The following CLEC16A variants were observed in gnomAD, a reference collection of about 807,000 sequenced individuals.
CLEC16A encodes the protein C-type lectin domain containing 16A.
CLEC16A carries 51 observed loss-of-function variants against 109.5 expected under a neutral mutation model. The ratio of observed to expected loss-of-function variants is 0.47; its 90% confidence interval spans 0.37 to 0.59. The LOEUF is 0.59. Among genes scored for constraint, CLEC16A ranks in the 20% least tolerant of loss-of-function variants. The pLI is 0.00. For missense variants in CLEC16A, 1,339 were observed against 1,394.0 expected (o/e 0.96, Z 0.63); for synonymous variants, 673 against 564.2 (o/e 1.19, Z -2.73).
intron 18 of CLEC16A, among the ~76,000 whole-genome samples, chr16:11,059,480 C>T (rs570481657): frequency 6.6e-5 from 10 of 152,324 alleles, no homozygotes; most frequent in East Asian, 3.9e-4. Context: ...CTGGTTAGGG[C>T]GCAAGGCAGC....
intron 22 of CLEC16A, among the ~76,000 whole-genome samples, chr16:11,163,010 C>T (rs767513220): frequency 2.0e-5 from 3 of 152,142 alleles, no homozygotes; most frequent in Admixed American, 1.3e-4. Flanking sequence ...TCAGGGAGGC[C>T]GGTTTGCCTT....
intron 18 of CLEC16A, among the ~76,000 whole-genome samples, chr16:11,052,116 G>A (rs1191912679): frequency 6.6e-6 from 1 of 152,210 alleles, no homozygotes; most frequent in Non-Finnish European, 1.5e-5. Flanking sequence ...ACAGATATGT[G>A]TGAAAAGATT....
intron 22 of CLEC16A, among the ~76,000 whole-genome samples, chr16:11,137,673 G>A (rs1293787593): frequency 6.6e-6 from 1 of 151,864 alleles, no homozygotes; most frequent in Non-Finnish European, 1.5e-5. Context: ...GCCGGGCGTG[G>A]TGGTGTGTGC....
At chr16:11,156,765 G>C in intron 22 of CLEC16A, 1 of 899,694 alleles carries the variant, frequency 1.1e-6, no homozygotes, top group South Asian at 1.4e-5. Context: ...GCGACCTTCA[G>C]TTCTAGAAAT....
At chr16:10,951,262 G>C (rs79892729) in intron 1 of CLEC16A, among the ~76,000 whole-genome samples, 14 of 152,220 alleles carry the variant, frequency 9.2e-5, no homozygotes, top group Non-Finnish European at 2.1e-4. Context: ...TGCATCTGCA[G>C]AGCTCCTGCT....
chr16:11,153,291 G>A (rs932742083), intron 22 of CLEC16A, among the ~76,000 whole-genome samples: 16 of 151,970 alleles, frequency 1.1e-4, no homozygotes, highest in South Asian at 2.1e-4. Flanking sequence ...GGTAGTCCCC[G>A]TGCCAGCAGG....
intron 11 of CLEC16A, among the ~76,000 whole-genome samples, chr16:11,009,416 AT>A (rs756424460): frequency 6.6e-6 from 1 of 152,190 alleles, no homozygotes; most frequent in African/African-American, 2.4e-5. Context: ...ATACAAATCC[AT>A]TCCTGCCTTT....
intron 8 of CLEC16A, among the ~76,000 whole-genome samples, chr16:10,977,924 T>G (rs2043111529): frequency 6.6e-6 from 1 of 152,042 alleles, no homozygotes; most frequent in Non-Finnish European, 1.5e-5. Flanking sequence ...TAAAAGTGAA[T>G]GAGAAAAGAT....
intron 10 of CLEC16A, among the ~76,000 whole-genome samples, chr16:10,992,766 C>G (rs1259583197): frequency 6.6e-6 from 1 of 152,008 alleles, no homozygotes; most frequent in Non-Finnish European, 1.5e-5. Flanking sequence ...GACATCTGTC[C>G]CTTCCCTGAT....
intron 2 of CLEC16A, among the ~76,000 whole-genome samples, chr16:10,959,804 G>C (rs1038381812): frequency 1.3e-5 from 2 of 150,580 alleles, no homozygotes; most frequent in African/African-American, 4.9e-5. Flanking sequence ...TTAGAGACAG[G>C]GTCTTGCTGT....
At chr16:11,086,930 A>AG (rs928325137) in intron 19 of CLEC16A, among the ~76,000 whole-genome samples, 5 of 152,156 alleles carry the variant, frequency 3.3e-5, no homozygotes, top group African/African-American at 1.2e-4. Flanking sequence ...AGGAATCCTC[A>AG]GGGGGAGGCC....
chr16:10,945,564 T>C (rs1567480618), intron 1 of CLEC16A, among the ~76,000 whole-genome samples: 1 of 152,164 alleles, frequency 6.6e-6, no homozygotes, highest in Non-Finnish European at 1.5e-5. Flanking sequence ...GTTCAAATCC[T>C]GAAACCACCA....
At chr16:11,058,485 A>G (rs992321674) in intron 18 of CLEC16A, among the ~76,000 whole-genome samples, 1 of 152,154 alleles carries the variant, frequency 6.6e-6, no homozygotes, top group Non-Finnish European at 1.5e-5. Flanking sequence ...AGGGAATAAT[A>G]AGGAAAAAAG....
chr16:11,011,730 A>G (rs1427648295), intron 11 of CLEC16A, among the ~76,000 whole-genome samples: 1 of 152,140 alleles, frequency 6.6e-6, no homozygotes, highest in Non-Finnish European at 1.5e-5. Flanking sequence ...GTGTACATTT[A>G]TATGTGCCTA....
chr16:11,166,392 C>T lies in CLEC16A; in HGVS notation c.2646C>T (p.Phe882=), dbSNP rs201690645. ...VFASVDKVPG[F]AVAQCINQHS... is the part of the protein sequence containing the mutation. ...ACCTGGTACTTTGTCTTGCAGGCTT[C>T]GCCGTGGCCCAGTGCATAAACCAGC... Residue 882 remains phenylalanine, a synonymous_variant, in exon 23 of 24, where the codon TTC becomes TTT. Transcript: ENST00000409790. 90 of 1,597,774 alleles carry T rather than the reference C, an allele frequency of 5.6e-5. No homozygotes were observed. Among genetic ancestry groups the T allele is most frequent in the East Asian group, 4.3e-4 (19 of 44,494 alleles).
Position 11,179,393 on chromosome 16 carries a change from T to G in CLEC16A, c.*703T>G, listed in dbSNP as rs1221613939. The G allele has an allele frequency of 6.6e-6, 1 of 152,162 alleles. No homozygotes were observed. The highest frequency in any genetic ancestry group is 1.5e-5 in the Non-Finnish European group (1 of 68,032). 9.4% of individuals were successfully genotyped at this position (152,162 alleles called of 1,614,324 possible). ...ATAATGAAGTACCTTCCTGGAAAGTTTGGATTATTTTTTAAACAAAAACAA... is the reference window on the plus strand; with the variant it reads ...ATAATGAAGTACCTTCCTGGAAAGTGTGGATTATTTTTTAAACAAAAACAA... On this transcript the variant is annotated 3_prime_UTR_variant, in exon 24 of 24. Coordinates refer to ENST00000409790, the MANE Select transcript of CLEC16A (RefSeq NM_015226.3).
intron 22 of CLEC16A, among the ~76,000 whole-genome samples, chr16:11,159,118 A>T (rs1184152963): frequency 6.6e-6 from 1 of 152,182 alleles, no homozygotes; most frequent in Non-Finnish European, 1.5e-5. Context: ...GACAAACTGG[A>T]GACTGCGGCC....
At chr16:10,968,671 C>T (rs578139529) in intron 3 of CLEC16A, among the ~76,000 whole-genome samples, 4 of 152,178 alleles carry the variant, frequency 2.6e-5, no homozygotes, top group South Asian at 2.1e-4. Context: ...GCCTAGTGGC[C>T]GGCATGTAGT....
intron 22 of CLEC16A, among the ~76,000 whole-genome samples, chr16:11,165,180 G>A (rs946713303): frequency 2.0e-4 from 31 of 152,104 alleles, no homozygotes; most frequent in African/African-American, 6.5e-4. Flanking sequence ...GATAAAAGGG[G>A]CTTTGATTTA....
Sources: gnomAD v4.1 joint callset for allele counts (sites outside exome capture counted in the v4.1 genomes callset) on GRCh38, gnomAD v4.1.1 for gene constraint, MANE v1.5 for transcripts, NCBI Gene and HGNC (gene_info 2026-07-23, HGNC 2026-07-21) for gene names.